ABLIM2: variants seen among roughly 807,000 people sequenced by gnomAD.
The protein encoded by ABLIM2 is actin binding LIM protein family member 2.
ABLIM2 carries 53 observed loss-of-function variants against 97.7 expected under a neutral mutation model. That is an observed-to-expected ratio of 0.54 (90% CI 0.44 to 0.68). The LOEUF is 0.68. Among genes scored for constraint, ABLIM2 ranks in the 30% least tolerant of loss-of-function variants. ABLIM2 has a pLI of 0.00. For synonymous variants in ABLIM2, 361 were observed against 345.8 expected, an observed-to-expected ratio of 1.04 and a Z score of -0.49; for missense variants, 835 against 867.2, an observed-to-expected ratio of 0.96 and a Z score of 0.47.
At position 8,082,005 on chromosome 4, in the gene ABLIM2, G is replaced by A. The variant is rs1820173957; in HGVS notation, c.455-1203C>T. On this transcript the variant is annotated intron_variant, in intron 4 of 20. Coordinates refer to ENST00000447017, the MANE Select transcript of ABLIM2 (RefSeq NM_001130083.2). This position sits in a 1 kb window ranked among gnomAD's most constrained non-coding sequence, Gnocchi z 5.6. ...TGTGCGAATATGTCTGCACGTGAGA[G>A]TGTGTCTGTGTGTTTGTCGAAGTGT... Among the ~76,000 whole-genome samples the A allele has an allele frequency of 1.3e-5, 2 of 152,234 alleles. No homozygotes were observed. Among genetic ancestry groups the A allele is most frequent in the African/African-American group, 2.4e-5 (1 of 41,458 alleles).
intron 14 of ABLIM2, among the ~76,000 whole-genome samples, chr4:8,009,510 C>T (rs1763509315): frequency 6.6e-6 from 1 of 152,180 alleles, no homozygotes; most frequent in African/African-American, 2.4e-5. Context: ...GATTCTCCTG[C>T]CTCAGCCACC....
chr4:8,145,762 A>G (rs1851693253), intron 1 of ABLIM2, among the ~76,000 whole-genome samples: 1 of 148,620 alleles, frequency 6.7e-6, no homozygotes, highest in Admixed American at 6.6e-5. Flanking sequence ...ACACACACAC[A>G]CACACACACA....
chr4:8,048,599 A>C (rs182613256), intron 8 of ABLIM2, among the ~76,000 whole-genome samples: 120 of 152,286 alleles, frequency 7.9e-4, no homozygotes, highest in African/African-American at 2.8e-3. Context: ...ACCGTGGAGA[A>C]TTGCCGGGAC....
At chr4:8,012,273 C>A (rs1278849299) in intron 14 of ABLIM2, among the ~76,000 whole-genome samples, 2 of 151,722 alleles carry the variant, frequency 1.3e-5, no homozygotes, top group East Asian at 3.9e-4. Context: ...ATCCACCCAC[C>A]ACCCATCCAT....
rs1265561560 is a variant in ABLIM2, at chr4:8,005,603, G to T, written c.1618+2456C>A. Among the ~76,000 whole-genome samples the T allele has an allele frequency of 6.6e-6, 1 of 152,118 alleles. No individual in the cohort carries two copies. Among genetic ancestry groups the T allele is most frequent in the Non-Finnish European group, 1.5e-5 (1 of 68,018 alleles). On this transcript the variant is annotated intron_variant, in intron 16 of 20. Transcript: ENST00000447017. This position sits in a 1 kb window ranked among gnomAD's most constrained non-coding sequence, Gnocchi z 4.9. ...TCAATCTCCATGTGCTCCCCTTCCC[G>T]CCTGGATTCCTCAGGAGGCCGCAGA...
chr4:8,016,837 C>A (rs1467025533), intron 14 of ABLIM2, among the ~76,000 whole-genome samples: 1 of 152,184 alleles, frequency 6.6e-6, no homozygotes, highest in Non-Finnish European at 1.5e-5. Context: ...CCTCTGCCGC[C>A]GATGAACTCT....
chr4:8,064,127 G>T (rs909539133), intron 6 of ABLIM2, among the ~76,000 whole-genome samples: 16 of 152,252 alleles, frequency 1.1e-4, no homozygotes, highest in African/African-American at 3.6e-4. Context: ...TTTGTTCTGT[G>T]TGCTCTCGCC....
rs1417610111 is a variant in ABLIM2, at chr4:8,058,973, C to T, written c.763+1994G>A. ...AGCGACTTTCCACCTGCTGCCCCAA[C>T]CCTGCTCATTGGCTGCAACCCCCAC... On this transcript the variant is annotated intron_variant, in intron 7 of 20. Coordinates refer to ENST00000447017, the MANE Select transcript of ABLIM2 (RefSeq NM_001130083.2). The surrounding 1 kb of genome is among the most constrained non-coding windows in gnomAD (Gnocchi z 4.2). Among the ~76,000 whole-genome samples, 3 of 152,094 alleles carry T rather than the reference C, an allele frequency of 2.0e-5. No homozygotes were observed. Among genetic ancestry groups the T allele is most frequent in the Admixed American group, 6.5e-5 (1 of 15,268 alleles).
intron 3 of ABLIM2, among the ~76,000 whole-genome samples, chr4:8,090,663 C>T (rs1207389108): frequency 6.6e-6 from 1 of 152,148 alleles, no homozygotes; most frequent in African/African-American, 2.4e-5. Context: ...CACCATGGCC[C>T]CAGACACTGT....
intron 17 of ABLIM2, chr4:7,989,395 A>C (rs1213706425): frequency 2.0e-6 from 2 of 985,074 alleles, no homozygotes; most frequent in African/African-American, 3.5e-5. Flanking sequence ...GTTTTATTTC[A>C]AAAGAGTCAT....
intron 4 of ABLIM2, among the ~76,000 whole-genome samples, chr4:8,084,194 G>C (rs975198142): frequency 6.6e-6 from 1 of 152,204 alleles, no homozygotes; most frequent in African/African-American, 2.4e-5. Context: ...AAAGCCGCTG[G>C]AAAAGATAAA....
chr4:7,967,032 G>C lies in ABLIM2; in HGVS notation c.1896C>G (p.Leu632=). 2 of 1,613,930 alleles carry C rather than the reference G, an allele frequency of 1.2e-6. No individual in the cohort carries two copies. The highest frequency in any genetic ancestry group is 2.2e-5 in the South Asian group (2 of 91,086). The change falls in exon 21 of 21, where the codon CTC becomes CTG. Residue 632 remains leucine (L), a synonymous_variant. Transcript: ENST00000447017. ...MSIEEFDRLA[L]WKRNDLKKKA... is the part of the protein sequence containing the mutation. ...TCTTCTTAAGGTCATTCCTCTTCCA[G>C]AGGGCCAGGCGGTCAAACTCCTCGA...
At position 8,082,411 on chromosome 4, in the gene ABLIM2, C is replaced by T. The variant is rs753131985; in HGVS notation, c.455-1609G>A. On this transcript the variant is annotated intron_variant, in intron 4 of 20. Coordinates refer to ENST00000447017, the MANE Select transcript of ABLIM2 (RefSeq NM_001130083.2). This position sits in a 1 kb window ranked among gnomAD's most constrained non-coding sequence, Gnocchi z 5.6. ...ACAGAAGACCTGGCCCAAAGCCTTG[C>T]GCATCCCGGGTGAACAGTGAGCATC... Among the ~76,000 whole-genome samples, 2 of 152,302 alleles carry T rather than the reference C, an allele frequency of 1.3e-5. No homozygotes were observed.
rs1809325667 is a variant in ABLIM2 at position 8,068,185 on chromosome 4, GC to G, written c.676-7132del. Among the ~76,000 whole-genome samples the G allele has an allele frequency of 1.3e-5, 2 of 152,178 alleles. No homozygotes were observed. Among genetic ancestry groups the G allele is most frequent in the Non-Finnish European group, 2.9e-5 (2 of 68,024 alleles). The stretch of plus-strand genomic sequence containing the variant: ...TTCCAGTGGGCGCACGGCTCCCCAG[GC>G]AGGCGGAAGTCCCACCCTCGCCCGC... On this transcript the variant is annotated intron_variant, in intron 6 of 20. Coordinates refer to ENST00000447017, the MANE Select transcript of ABLIM2 (RefSeq NM_001130083.2). The surrounding 1 kb of genome is among the most constrained non-coding windows in gnomAD (Gnocchi z 4.5).
intron 12 of ABLIM2, among the ~76,000 whole-genome samples, chr4:8,026,101 G>A (rs1182460302): frequency 2.6e-5 from 4 of 152,156 alleles, no homozygotes; most frequent in South Asian, 4.1e-4. Flanking sequence ...TCAAACTGCT[G>A]GCCGAAGCAA....
chr4:8,095,037 CTTCCTTCCTTCT>C lies in ABLIM2; in HGVS notation c.338+2050_338+2061del, dbSNP rs1830786526. Among the ~76,000 whole-genome samples, 1 of 121,450 alleles carries C rather than the reference CTTCCTTCCTTCT, an allele frequency of 8.2e-6. No homozygotes were observed. The highest frequency in any genetic ancestry group is 2.9e-5 in the African/African-American group (1 of 34,130). The allele number at this position is 121,450 out of a possible 152,430, so 79.7% of individuals were successfully genotyped here. On this transcript the variant is annotated intron_variant, in intron 3 of 20. Transcript: ENST00000447017. This position sits in a 1 kb window ranked among gnomAD's most constrained non-coding sequence, Gnocchi z 4.7. ...CTCTCTCTCTCCCCCCACTTCTTTC[CTTCCTTCCTTCT>C]TTCTTTCTTTCTCTTTCTTTCTTTC... is the stretch of plus-strand genomic sequence containing the variant.
intron 3 of ABLIM2, among the ~76,000 whole-genome samples, chr4:8,091,092 G>T (rs1156256894): frequency 6.7e-6 from 1 of 150,278 alleles, no homozygotes; most frequent in Admixed American, 6.8e-5. Flanking sequence ...ATTCACAACG[G>T]CACTGGAGGG....
At chr4:8,154,733 G>A (rs541012239) in intron 1 of ABLIM2, among the ~76,000 whole-genome samples, 15 of 152,302 alleles carry the variant, frequency 9.8e-5, no homozygotes, top group Admixed American at 2.6e-4. Context: ...GGTTGTTCTC[G>A]TCTGTTGCTG....
chr4:8,024,514 A>G (rs986252834), intron 12 of ABLIM2, among the ~76,000 whole-genome samples: 1 of 152,000 alleles, frequency 6.6e-6, no homozygotes, highest in African/African-American at 2.4e-5. Flanking sequence ...GAGCCCGGGG[A>G]GCAAACAGGA....
Sources: allele counts gnomAD v4.1 joint callset (sites outside exome capture counted in the v4.1 genomes callset), GRCh38; gene constraint gnomAD v4.1.1; non-coding constraint Gnocchi (gnomAD v3.1); transcripts MANE v1.5; gene names NCBI Gene and HGNC (gene_info 2026-07-23, HGNC 2026-07-21).